Variants in MECOM observed in about 807,000 individuals in gnomAD.
MECOM encodes MDS1 and EVI1 complex locus, also known as histone-lysine N-methyltransferase MECOM.
In MECOM, 13 loss-of-function variants were observed where a neutral mutation model predicts 116.3. That is an observed-to-expected ratio of 0.11 (90% CI 0.07 to 0.18). The LOEUF is 0.18. Ranked by LOEUF, MECOM falls within the 10% of genes least tolerant of loss-of-function variation. MECOM has a pLI of 1.00. For missense variants in MECOM, 1,299 were observed against 1,509.0 expected (o/e 0.86, Z 2.31); for synonymous variants, 528 against 535.2 (o/e 0.99, Z 0.19).
intron 1 of MECOM, among the ~76,000 whole-genome samples, chr3:169,564,002 G>A (rs1328798198): frequency 6.6e-6 from 1 of 152,052 alleles, no homozygotes; most frequent in Non-Finnish European, 1.5e-5. Context: ...GCTTAAAAAT[G>A]GCTACCATAA....
At chr3:169,648,155 G>A (rs1201440113) in intron 1 of MECOM, among the ~76,000 whole-genome samples, 1 of 152,202 alleles carries the variant, frequency 6.6e-6, no homozygotes, top group Non-Finnish European at 1.5e-5. Flanking sequence ...GGAAACAAAT[G>A]TCACATTCTA....
At chr3:169,175,238 TA>T (rs1246038674) in intron 2 of MECOM, among the ~76,000 whole-genome samples, 6 of 152,096 alleles carry the variant, frequency 3.9e-5, no homozygotes, top group Admixed American at 2.0e-4. Flanking sequence ...TCTTAAGAAA[TA>T]AATACTACAA....
Position 169,089,016 on chromosome 3 carries a change from C to G in MECOM, c.3569G>C (p.Arg1190Thr), listed in dbSNP as rs1467235502. The change falls in exon 16 of 17, where the codon AGA (arginine) becomes ACA (threonine). Residue 1190 changes from arginine (R) to threonine (T), a missense_variant. Physicochemically the swap from Arg to Thr is moderately conservative, Grantham distance 71 (BLOSUM62 -1). This residue lies in a region of MECOM where 273 missense variants were observed against 289.3 expected (regional missense o/e 0.94). Transcript: ENST00000651503. ...VPEELKQPLH[R>T]KSKSQAYAMM... ...AATCTGTACCTGCGATTTGGACTTTCTGTGTAACGGCTGCTTAAGTTCCTC... is the reference window on the plus strand; with the variant it reads ...AATCTGTACCTGCGATTTGGACTTTGTGTGTAACGGCTGCTTAAGTTCCTC... 6.3e-7 allele frequency: 1 copy of G among 1,596,410 alleles called. No individual in the cohort carries two copies. Among genetic ancestry groups the G allele is most frequent in the South Asian group, 1.1e-5 (1 of 87,788 alleles).
intron 2 of MECOM, among the ~76,000 whole-genome samples, chr3:169,273,581 C>T (rs573225369): frequency 1.5e-4 from 23 of 152,182 alleles, no homozygotes; most frequent in Admixed American, 7.2e-4. Flanking sequence ...GAGAAGGAGC[C>T]GGAGAGAAGG....
intron 1 of MECOM, among the ~76,000 whole-genome samples, chr3:169,633,865 GA>G (rs1772387067): frequency 7.0e-6 from 1 of 141,912 alleles, no homozygotes; most frequent in South Asian, 2.2e-4. Flanking sequence ...ACAGAAAAAG[GA>G]AAAAGAAAGA....
chr3:169,650,313 G>A (rs1263969827), intron 1 of MECOM, among the ~76,000 whole-genome samples: 2 of 152,158 alleles, frequency 1.3e-5, no homozygotes, highest in African/African-American at 2.4e-5. Flanking sequence ...AAAAGTTTTG[G>A]TGGGTCTAGT....
At chr3:169,461,288 A>G (rs1198255321) in intron 1 of MECOM, among the ~76,000 whole-genome samples, 1 of 152,150 alleles carries the variant, frequency 6.6e-6, no homozygotes, top group Non-Finnish European at 1.5e-5. Context: ...TATCTGACTC[A>G]TCATCTGGGA....
chr3:169,643,844 T>C (rs1238643741), intron 1 of MECOM, among the ~76,000 whole-genome samples: 2 of 152,206 alleles, frequency 1.3e-5, no homozygotes, highest in African/African-American at 4.8e-5. Context: ...AAATGAATAA[T>C]TTCTGTGTAG....
intron 12 of MECOM, among the ~76,000 whole-genome samples, chr3:169,097,028 C>T (rs1407004601): frequency 6.6e-6 from 1 of 151,670 alleles, no homozygotes; most frequent in Non-Finnish European, 1.5e-5. Flanking sequence ...TGTTTACCTC[C>T]AAGGCCCACT....
intron 1 of MECOM, among the ~76,000 whole-genome samples, chr3:169,562,989 A>T (rs958633990): frequency 2.0e-5 from 3 of 150,072 alleles, no homozygotes; most frequent in Admixed American, 6.7e-5. Context: ...GCTTGAACCC[A>T]GGAGGTGGAG....
At chr3:169,418,466 AT>A (rs1328612446) in intron 1 of MECOM, among the ~76,000 whole-genome samples, 1 of 152,198 alleles carries the variant, frequency 6.6e-6, no homozygotes, top group Non-Finnish European at 1.5e-5. Context: ...TTTCAGGCCA[AT>A]ATCCCGGATG....
chr3:169,371,575 T>A (rs1430433), intron 2 of MECOM, among the ~76,000 whole-genome samples: 1 of 151,502 alleles, frequency 6.6e-6, no homozygotes, highest in Non-Finnish European at 1.5e-5. Context: ...GTATCTTAAT[T>A]AGCTTGATTG....
At chr3:169,488,372 CAA>C (rs758493062) in intron 1 of MECOM, among the ~76,000 whole-genome samples, 1,537 of 62,378 alleles carry the variant, frequency 0.025, 25 homozygotes, top group African/African-American at 0.066. Context: ...ACTAAAAATA[CAA>C]AAAAAAAAAA....
At chr3:169,432,556 A>G (rs1034132239) in intron 1 of MECOM, among the ~76,000 whole-genome samples, 3 of 152,244 alleles carry the variant, frequency 2.0e-5, no homozygotes, top group Non-Finnish European at 4.4e-5. Context: ...ACACAAACAG[A>G]CATATACTTT....
At chr3:169,222,588 G>A (rs114620904) in intron 2 of MECOM, among the ~76,000 whole-genome samples, 10 of 152,284 alleles carry the variant, frequency 6.6e-5, no homozygotes, top group Non-Finnish European at 1.5e-4. Flanking sequence ...ATGCTGACAG[G>A]GGTCAGTGTG....
At chr3:169,314,335 A>T (rs961850243) in intron 2 of MECOM, among the ~76,000 whole-genome samples, 1 of 152,186 alleles carries the variant, frequency 6.6e-6, no homozygotes, top group African/African-American at 2.4e-5. Flanking sequence ...AATGAACTCA[A>T]ACATCAGTCA....
intron 1 of MECOM, among the ~76,000 whole-genome samples, chr3:169,568,694 T>G (rs1442388225): frequency 6.6e-6 from 1 of 152,124 alleles, no homozygotes; most frequent in Non-Finnish European, 1.5e-5. Flanking sequence ...GCAGAACATC[T>G]CTGAAATAAA....
chr3:169,558,819 G>A lies in MECOM; in HGVS notation c.37+104517C>T, dbSNP rs115035381. ...CATCCTTAAGATTCCAGGAATCATC[G>A]GTCAGAAGTATTCAACTTACCAATG... On this transcript the variant is annotated intron_variant, in intron 1 of 16. Transcript: ENST00000651503. Among the ~76,000 whole-genome samples the A allele has an allele frequency of 2.5e-3, 376 of 151,878 alleles. 4 individuals carry two copies. The highest frequency in any genetic ancestry group is 8.7e-3 in the African/African-American group (362 of 41,372).
chr3:169,163,108 G>A (rs1039529719), intron 2 of MECOM, among the ~76,000 whole-genome samples: 6 of 152,200 alleles, frequency 3.9e-5, no homozygotes, highest in South Asian at 2.1e-4. Flanking sequence ...ATTCAGTGCA[G>A]TTTTCTGTGC....
Sources: gnomAD v4.1 joint callset for allele counts (sites outside exome capture counted in the v4.1 genomes callset) on GRCh38, gnomAD v4.1.1 for gene constraint, gnomAD v4.1.1 regional missense constraint, MANE v1.5 for transcripts, NCBI Gene and HGNC (gene_info 2026-07-23, HGNC 2026-07-21) for gene names.